The following URB2 variants were observed in gnomAD, a reference collection of about 807,000 sequenced individuals.
URB2 encodes URB2 ribosome biogenesis homolog.
A neutral mutation model predicts 120.9 loss-of-function variants in URB2; 86 were observed. The observed-to-expected ratio is 0.71, with a 90% confidence interval of 0.60 to 0.85. The LOEUF (loss-of-function observed/expected upper bound fraction) is 0.85, where lower values mean the gene tolerates loss of function less well. URB2 is among the 40% of genes least tolerant of loss of function. The pLI, the probability that URB2 is intolerant of heterozygous loss-of-function variation, is 0.00. For missense variants in URB2, 1,765 were observed against 1,836.5 expected (o/e 0.96, Z 0.71); for synonymous variants, 755 against 758.4 (o/e 1.00, Z 0.07).
intron 3 of URB2, among the ~76,000 whole-genome samples, chr1:229,634,208 T>A (rs1405582807): frequency 2.5e-5 from 3 of 120,828 alleles, no homozygotes; most frequent in African/African-American, 9.0e-5. Context: ...TAAACATGCA[T>A]TTTTTTTTCT....
At chr1:229,628,358 C>CCGCAA in intron 2 of URB2, among the ~76,000 whole-genome samples, 1 of 149,550 alleles carries the variant, frequency 6.7e-6, no homozygotes, top group East Asian at 1.9e-4. Context: ...GAGTTTGAGG[C>CCGCAA]TGCAATGAGC....
intron 2 of URB2, among the ~76,000 whole-genome samples, chr1:229,628,982 T>C (rs140173767): frequency 5.9e-5 from 9 of 152,360 alleles, no homozygotes; most frequent in Non-Finnish European, 1.2e-4. Flanking sequence ...TGGCAGGTGC[T>C]GCCCAGGGTG....
At position 229,649,926 on chromosome 1, in the gene URB2, A is replaced by G. The variant is rs548358744; in HGVS notation, c.4150-1309A>G. On this transcript the variant is annotated intron_variant, in intron 7 of 9. Coordinates refer to ENST00000258243, the MANE Select transcript of URB2 (RefSeq NM_014777.4). ...CAGAGTGTGAACCCAGATAGTTCCA[A>G]AAGGATTTGTGTGCTTTTCATCAGT... 3.2e-4 allele frequency among the ~76,000 whole-genome samples: 48 copies of G among 152,312 alleles called. No homozygotes were observed. In the South Asian group the frequency reaches 7.0e-3, roughly 22 times the overall value.
intron 3 of URB2, among the ~76,000 whole-genome samples, chr1:229,633,064 T>C (rs1292746210): frequency 1.3e-5 from 2 of 152,258 alleles, no homozygotes; most frequent in Admixed American, 6.5e-5. Flanking sequence ...TAAAGTCACA[T>C]GGCTAGTTAG....
intron 6 of URB2, among the ~76,000 whole-genome samples, chr1:229,647,286 T>C (rs1341415297): frequency 6.6e-6 from 1 of 152,198 alleles, no homozygotes. Flanking sequence ...TGAGCTGTCC[T>C]TCCTCTTGGG....
chr1:229,642,018 T>G lies in URB2; in HGVS notation c.3635-1515T>G, dbSNP rs1571876085. 2.0e-5 allele frequency among the ~76,000 whole-genome samples: 3 copies of G among 150,890 alleles called. No individual in the cohort carries two copies. In the East Asian group the frequency reaches 5.8e-4, roughly 29 times the overall value. On this transcript the variant is annotated intron_variant, in intron 4 of 9. Coordinates refer to ENST00000258243, the MANE Select transcript of URB2 (RefSeq NM_014777.4). The stretch of plus-strand genomic sequence containing the variant: ...GAGTGAGACCCTGTCTCCAGAAACA[T>G]AAAAAAAACCAATTAAAATGCTTGT...
rs1558163044 is a variant in URB2, at chr1:229,635,171, G to T, written c.558G>T (p.Gln186His). The change falls in exon 4 of 10, where the codon CAG (glutamine) becomes CAT (histidine). Residue 186 changes from glutamine to histidine, a missense_variant. Gln to His is a conservative substitution (Grantham distance 24). Transcript: ENST00000258243. The part of the protein sequence containing the change: ...ALGHYLLILQ[Q>H]QVNPRRAFGD... ...GCCATTATCTCTTGATCCTGCAGCAGCAGGTCAACCCAAGACGTGCCTTTG... is the reference window on the plus strand; with the variant it reads ...GCCATTATCTCTTGATCCTGCAGCATCAGGTCAACCCAAGACGTGCCTTTG... The T allele has an allele frequency of 1.2e-6, 2 of 1,614,214 alleles. No individual in the cohort carries two copies. The highest frequency in any genetic ancestry group is 3.3e-5 in the Admixed American group (2 of 60,030).
rs1665889248 is a variant in URB2 at position 229,637,882 on chromosome 1, A to G, written c.3269A>G (p.Gln1090Arg). The G allele has an allele frequency of 6.3e-7, 1 of 1,600,000 alleles. No individual in the cohort carries two copies. The highest frequency in any genetic ancestry group is 8.5e-7 in the Non-Finnish European group (1 of 1,174,180). Reference protein sequence around the residue: ...APAALSELLQQVVLQTGAVLQ... With the variant: ...APAALSELLQRVVLQTGAVLQ... ...GCAGCACTGTCTGAGCTGCTGCAGC[A>G]GGTTGTGCTGCAGACAGGAGCTGTG... is the stretch of plus-strand genomic sequence containing the variant. The change falls in exon 4 of 10, where the codon CAG (glutamine) becomes CGG (arginine). Residue 1090 changes from glutamine to arginine, a missense_variant. Physicochemically the swap from Gln to Arg is conservative, Grantham distance 43 (BLOSUM62 1). Transcript: ENST00000258243.
At chr1:229,649,146 A>C (rs904792661) in intron 7 of URB2, among the ~76,000 whole-genome samples, 4 of 152,116 alleles carry the variant, frequency 2.6e-5, no homozygotes, top group African/African-American at 9.7e-5. Flanking sequence ...GCTGTGTGTC[A>C]TATATTCATG....
chr1:229,635,582 C>G lies in URB2; in HGVS notation c.969C>G (p.Leu323=), dbSNP rs1665783034. 1 of 1,614,100 alleles carries G rather than the reference C, an allele frequency of 6.2e-7. No homozygotes were observed. Among genetic ancestry groups the G allele is most frequent in the African/African-American group, 1.3e-5 (1 of 75,056 alleles). ...DSYFKEGNQL[L]CFQVLPRLFG... ...ACTTTAAGGAGGGAAACCAGCTTCTCTGCTTCCAGGTTCTCCCCAGGTTGT... is the reference window on the plus strand; with the variant it reads ...ACTTTAAGGAGGGAAACCAGCTTCTGTGCTTCCAGGTTCTCCCCAGGTTGT... The change falls in exon 4 of 10, where the codon CTC becomes CTG. Residue 323 remains leucine, a synonymous_variant. Coordinates refer to ENST00000258243, the MANE Select transcript of URB2 (RefSeq NM_014777.4).
chr1:229,651,211 A>G, intron 7 of URB2, 24 bp from the exon 8 acceptor site: 3 of 1,582,934 alleles, frequency 1.9e-6, no homozygotes, highest in South Asian at 1.2e-5. Context: ...ATGTACTTTT[A>G]CATTCTGTTA....
chr1:229,649,972 G>A (rs1454167983), intron 7 of URB2, among the ~76,000 whole-genome samples: 3 of 152,226 alleles, frequency 2.0e-5, no homozygotes, highest in African/African-American at 7.2e-5. Flanking sequence ...AGGATTAAGA[G>A]AGGGTCCTTG....
At chr1:229,629,132 T>C (rs765863871) in intron 2 of URB2, among the ~76,000 whole-genome samples, 42 of 152,256 alleles carry the variant, frequency 2.8e-4, no homozygotes, top group Non-Finnish European at 5.9e-5. Flanking sequence ...TTCAATGTTT[T>C]GTGAAGAGGA....
intron 4 of URB2, 38 bp from the exon 5 acceptor site, chr1:229,643,495 T>C (rs1360689274): frequency 6.8e-6 from 11 of 1,612,566 alleles, no homozygotes; most frequent in Non-Finnish European, 8.5e-6. Context: ...TTATTTCACC[T>C]GTCACATCTT....
rs578088142 is a variant in URB2, at chr1:229,651,671, A to G, written c.4237+349A>G. Among the ~76,000 whole-genome samples the G allele has an allele frequency of 4.6e-5, 7 of 152,298 alleles. No individual in the cohort carries two copies. In the East Asian group the frequency reaches 9.6e-4, roughly 21 times the overall value. On this transcript the variant is annotated intron_variant, in intron 8 of 9. Coordinates refer to ENST00000258243, the MANE Select transcript of URB2 (RefSeq NM_014777.4). ...AAGGAGCTTATAGTTCAATAGGGAG[A>G]TGAAAAGGAACAGGCAGGTATAGAG...
Position 229,635,000 on chromosome 1 carries a change from CCTGTCGA to C in URB2, c.389_395del (p.Leu130HisfsTer14). 3 of 1,609,594 alleles carry C rather than the reference CCTGTCGA, an allele frequency of 1.9e-6. No individual in the cohort carries two copies. Among genetic ancestry groups the C allele is most frequent in the Non-Finnish European group, 2.5e-6 (3 of 1,176,980 alleles). On this transcript the variant is annotated frameshift_variant, in exon 4 of 10. Coordinates refer to ENST00000258243, the MANE Select transcript of URB2 (RefSeq NM_014777.4). LOFTEE classifies it high-confidence loss of function. ...CTGTCCTTCGATGTTGCCAGGGCATCCTGTCGACACCTGCCCTGGCTGTCATCTACAC... is the reference window on the plus strand; with the variant it reads ...CTGTCCTTCGATGTTGCCAGGGCATCCACCTGCCCTGGCTGTCATCTACAC...
Position 229,647,605 on chromosome 1 carries a change from G to A in URB2, c.4002G>A (p.Glu1334=). The change falls in exon 7 of 10, where the codon GAG becomes GAA. Residue 1334 remains glutamate (E), a synonymous_variant. Coordinates refer to ENST00000258243, the MANE Select transcript of URB2 (RefSeq NM_014777.4). ...DVLAALLRQG[E]EAIGNPHHVS... The stretch of plus-strand genomic sequence containing the variant: ...TGGCTGCACTGCTGCGGCAGGGGGA[G>A]GAGGCCATCGGCAACCCCCACCACG... 2 of 1,614,196 alleles carry A rather than the reference G, an allele frequency of 1.2e-6. No homozygotes were observed. Among genetic ancestry groups the A allele is most frequent in the African/African-American group, 1.3e-5 (1 of 75,050 alleles).
chr1:229,657,423 G>C (rs1666430456), intron 9 of URB2, among the ~76,000 whole-genome samples: 1 of 152,186 alleles, frequency 6.6e-6, no homozygotes, highest in African/African-American at 2.4e-5. Flanking sequence ...GACTGCCTAG[G>C]TTCAAGTCTT....
In URB2 at chr1:229,659,218, A is replaced by G; in HGVS notation, c.4496A>G (p.Asp1499Gly). 2 of 1,614,012 alleles carry G rather than the reference A, an allele frequency of 1.2e-6. No homozygotes were observed. Among genetic ancestry groups the G allele is most frequent in the Non-Finnish European group, 8.5e-7 (1 of 1,180,034 alleles). The change falls in exon 10 of 10, where the codon GAC becomes GGC. Residue 1499 changes from aspartate (D) to glycine (G), a missense_variant. Physicochemically the swap from Asp to Gly is moderately conservative, Grantham distance 94. Coordinates refer to ENST00000258243, the MANE Select transcript of URB2 (RefSeq NM_014777.4). ...LRASLQPGMR[D>G]IFKELYNDYL... ...GCCTCGCTGCAGCCGGGAATGAGAG[A>G]CATCTTTAAGGAGCTCTATAATGAC...
Sources: allele counts gnomAD v4.1 joint callset (sites outside exome capture counted in the v4.1 genomes callset), GRCh38; gene constraint gnomAD v4.1.1; transcripts MANE v1.5; gene names NCBI Gene and HGNC (gene_info 2026-07-23, HGNC 2026-07-21).